UBR1: variants seen among roughly 807,000 people sequenced by gnomAD.
UBR1 encodes the protein E3 ubiquitin-protein ligase UBR1.
In UBR1, 102 loss-of-function variants were observed where a neutral mutation model predicts 242.1. The observed-to-expected ratio is 0.42, with a 90% CI of 0.36 to 0.50. UBR1 has a LOEUF of 0.50. UBR1 is among the 20% of genes least tolerant of loss of function. The probability of loss-of-function intolerance (pLI) is 0.01; values close to 1 mark genes in which losing one functional copy is unlikely to be tolerated. For missense variants in UBR1, 1,772 were observed against 2,101.8 expected (o/e 0.84, Z 3.07); for synonymous variants, 675 against 684.8 (o/e 0.99, Z 0.22).
At position 42,988,844 on chromosome 15, in the gene UBR1, G is replaced by A. The variant is rs1307816909; in HGVS notation, c.3972C>T (p.Thr1324=). The change falls in exon 35 of 47, where the codon ACC becomes ACT. Residue 1324 remains threonine (T), a synonymous_variant. Coordinates refer to ENST00000290650, the MANE Select transcript of UBR1 (RefSeq NM_174916.3). The part of the protein sequence containing the change: ...DPRVPMLTWS[T]CAFTIQAIEN... ...CAATTGCCTGGATAGTGAAAGCGCA[G>A]GTGCTCCAGGTCAGCATGGGGACTC... 1.9e-6 allele frequency: 3 copies of A among 1,614,060 alleles called. No homozygotes were observed. The highest frequency in any genetic ancestry group is 2.5e-6 in the Non-Finnish European group (3 of 1,180,050).
intron 4 of UBR1, among the ~76,000 whole-genome samples, chr15:43,072,297 C>CCCAG (rs371595333): frequency 6.6e-6 from 1 of 152,096 alleles, no homozygotes; most frequent in African/African-American, 2.4e-5. Flanking sequence ...ATCACAGTTG[C>CCCAG]CCAGGTTGGT....
intron 32 of UBR1, among the ~76,000 whole-genome samples, chr15:42,998,937 C>CTTTTT (rs35098054): frequency 1.7e-4 from 21 of 121,268 alleles, no homozygotes; most frequent in Non-Finnish European, 2.7e-4. Flanking sequence ...GGAGCCTTTG[C>CTTTTT]TTTTTTTTTT....
At chr15:43,039,849 T>C (rs2033392780) in intron 15 of UBR1, among the ~76,000 whole-genome samples, 1 of 152,170 alleles carries the variant, frequency 6.6e-6, no homozygotes, top group Non-Finnish European at 1.5e-5. Flanking sequence ...TTGAGATATG[T>C]CCCATCAATA....
chr15:43,050,083 C>T (rs992667200), intron 12 of UBR1, among the ~76,000 whole-genome samples: 10 of 152,124 alleles, frequency 6.6e-5, no homozygotes, highest in Non-Finnish European at 1.3e-4. Context: ...TCCTCAGTAG[C>T]TAAGACTACA....
intron 6 of UBR1, among the ~76,000 whole-genome samples, chr15:43,067,630 A>G (rs1348781132): frequency 6.6e-6 from 1 of 152,222 alleles, no homozygotes. Context: ...GGACCAGACT[A>G]AAGTTGAGAT....
At chr15:42,957,410 A>G (rs2031940411) in intron 44 of UBR1, among the ~76,000 whole-genome samples, 1 of 152,218 alleles carries the variant, frequency 6.6e-6, no homozygotes, top group Admixed American at 6.5e-5. Flanking sequence ...AAGGTGACGA[A>G]AAAGTTTGCA....
chr15:43,041,159 C>T (rs1400359042), intron 15 of UBR1, among the ~76,000 whole-genome samples: 1 of 152,142 alleles, frequency 6.6e-6, no homozygotes, highest in Non-Finnish European at 1.5e-5. Context: ...TTTATTGCAG[C>T]ACTATTCACA....
chr15:43,105,928 C>T lies in UBR1; in HGVS notation c.81+14G>A, dbSNP rs751860423. ...CGGGGGGAGGACAAAAGAGACTTGCCTATAGGGACTTACAGATGCCAGACG... is the reference window on the plus strand; with the variant it reads ...CGGGGGGAGGACAAAAGAGACTTGCTTATAGGGACTTACAGATGCCAGACG... On this transcript the variant is annotated intron_variant, in intron 1 of 46. Transcript: ENST00000290650. 3.1e-6 allele frequency: 5 copies of T among 1,613,566 alleles called. No individual in the cohort carries two copies. In the South Asian group the frequency reaches 4.4e-5, roughly 14 times the overall value.
chr15:43,098,086 G>A (rs1365962570), intron 1 of UBR1, among the ~76,000 whole-genome samples: 1 of 152,164 alleles, frequency 6.6e-6, no homozygotes, highest in Admixed American at 6.5e-5. Flanking sequence ...ATACTTAGAG[G>A]CCATTGTAGG....
chr15:43,009,414 GC>G (rs1054637556), intron 29 of UBR1, among the ~76,000 whole-genome samples: 40 of 152,226 alleles, frequency 2.6e-4, no homozygotes, highest in African/African-American at 9.6e-4. Context: ...CCCTGCAGGT[GC>G]CCGCTTATGC....
intron 35 of UBR1, 38 bp from the exon 36 acceptor site, chr15:42,984,980 A>T: frequency 2.1e-6 from 3 of 1,415,460 alleles, no homozygotes; most frequent in Middle Eastern, 2.2e-4. Flanking sequence ...ATAAATCCTG[A>T]ATAGTGCTAT....
chr15:42,964,020 C>T lies in UBR1; in HGVS notation c.4615G>A (p.Ala1539Thr), dbSNP rs767726031. The change falls in exon 42 of 47, where the codon GCA becomes ACA. Residue 1539 changes from alanine (A) to threonine (T), a missense_variant. By Grantham distance (58) the Ala-to-Thr change is moderately conservative. Coordinates refer to ENST00000290650, the MANE Select transcript of UBR1 (RefSeq NM_174916.3). ...HTNSAEGEYS[A>T]LCSYLSLPTN... Reference sequence around the variant, plus strand: ...GGTAAAGATAGATAGCTACAGAGTGCACTGTACTCTCCTTCTGCAGAATCT... The same window carrying T: ...GGTAAAGATAGATAGCTACAGAGTGTACTGTACTCTCCTTCTGCAGAATCT... 3 of 1,612,880 alleles carry T rather than the reference C, an allele frequency of 1.9e-6. No individual in the cohort carries two copies.
At chr15:43,011,285 A>T (rs1347357628) in intron 29 of UBR1, among the ~76,000 whole-genome samples, 1 of 152,242 alleles carries the variant, frequency 6.6e-6, no homozygotes, top group Non-Finnish European at 1.5e-5. Context: ...TTAAAACTCT[A>T]AAAGACTGAT....
chr15:43,067,035 T>C (rs1393697132), intron 6 of UBR1, among the ~76,000 whole-genome samples: 2 of 152,216 alleles, frequency 1.3e-5, no homozygotes, highest in Non-Finnish European at 2.9e-5. Flanking sequence ...TGTGCCAAGA[T>C]ATTGATCCTC....
chr15:43,051,329 C>T (rs567118553), intron 12 of UBR1, among the ~76,000 whole-genome samples: 8 of 152,054 alleles, frequency 5.3e-5, no homozygotes, highest in Admixed American at 1.3e-4. Flanking sequence ...AAACAGAAAA[C>T]CAAATACTGC....
chr15:43,003,715 T>C, intron 31 of UBR1, 122 bp downstream of exon 31: 2 of 940,780 alleles, frequency 2.1e-6, no homozygotes, highest in Admixed American at 1.9e-5. Flanking sequence ...TAATTAAAAC[T>C]GTTTCAATTA....
At chr15:42,961,338 C>T (rs2032015910) in intron 42 of UBR1, among the ~76,000 whole-genome samples, 1 of 151,874 alleles carries the variant, frequency 6.6e-6, no homozygotes, top group Non-Finnish European at 1.5e-5. Context: ...GTCTCAAACT[C>T]CTGACCTCAG....
intron 17 of UBR1, among the ~76,000 whole-genome samples, chr15:43,037,393 A>C (rs768323275): frequency 6.6e-6 from 1 of 151,834 alleles, no homozygotes; most frequent in Admixed American, 6.6e-5. Flanking sequence ...AAAGAAAAGC[A>C]CTGCTGCATA....
chr15:42,990,469 A>C (rs1012072746), intron 33 of UBR1, among the ~76,000 whole-genome samples: 1 of 152,220 alleles, frequency 6.6e-6, no homozygotes, highest in African/African-American at 2.4e-5. Flanking sequence ...CACTGTGCCC[A>C]AGCTTTCTAG....
Sources: allele counts gnomAD v4.1 joint callset (sites outside exome capture counted in the v4.1 genomes callset), GRCh38; gene constraint gnomAD v4.1.1; transcripts MANE v1.5; gene names NCBI Gene and HGNC (gene_info 2026-07-23, HGNC 2026-07-21).